Variants in CLN8 observed in about 807,000 individuals in gnomAD.
The protein encoded by CLN8 is CLN8 transmembrane ER and ERGIC protein.
In CLN8, 14 loss-of-function variants were observed where a neutral mutation model predicts 15.7. The observed-to-expected ratio is 0.89, with a 90% CI of 0.59 to 1.39. CLN8 has a LOEUF of 1.39. CLN8 is among the 40% of genes most tolerant of loss of function. The probability of loss-of-function intolerance (pLI) is 0.00; values close to 1 mark genes in which losing one functional copy is unlikely to be tolerated. For missense variants in CLN8, 415 were observed against 364.0 expected, an observed-to-expected ratio of 1.14 and a Z score of -1.14; for synonymous variants, 188 against 151.0, an observed-to-expected ratio of 1.25 and a Z score of -1.80.
upstream of CLN8, among the ~76,000 whole-genome samples, chr8:1,761,486 G>A (rs1247902454): frequency 6.6e-6 from 1 of 152,160 alleles, no homozygotes; most frequent in African/African-American, 2.4e-5. Context: ...CACCACGCCT[G>A]GCTAATTTTT....
rs1003432367 is a variant in CLN8, at chr8:1,784,882, T to G, written c.*4315T>G. On this transcript the variant is annotated 3_prime_UTR_variant, in exon 3 of 3. Transcript: ENST00000331222. Reference sequence around the variant, plus strand: ...CAGCGGCTGGAGGTGATGTCCTCAGTAGAGAACGGTGGCCACTGGAAACGT... The same window carrying G: ...CAGCGGCTGGAGGTGATGTCCTCAGGAGAGAACGGTGGCCACTGGAAACGT... 6 of 152,334 alleles carry G rather than the reference T, an allele frequency of 3.9e-5. No homozygotes were observed. Among genetic ancestry groups the G allele is most frequent in the Non-Finnish European group, 7.3e-5 (5 of 68,232 alleles). 9.4% of individuals were successfully genotyped at this position (152,334 alleles called of 1,614,324 possible).
upstream of CLN8, among the ~76,000 whole-genome samples, chr8:1,761,369 GGC>G (rs1800792136): frequency 2.0e-5 from 3 of 152,144 alleles, no homozygotes; most frequent in Non-Finnish European, 4.4e-5. Context: ...CTGTTGCCCA[GGC>G]TGGAGTGCAG....
In CLN8 at chr8:1,780,334, C is replaced by T; in HGVS notation, c.628C>T (p.His210Tyr). ...TCACTGCCGCATGGTTCTAACCTAC[C>T]ACATGTGGTGGGTGTGTTTCTGGCA... ...MFHCRMVLTY[H>Y]MWWVCFWHWD... The change falls in exon 3 of 3, where the codon CAC (histidine) becomes TAC (tyrosine). Residue 210 changes from histidine to tyrosine, a missense_variant. Physicochemically the swap from His to Tyr is moderately conservative, Grantham distance 83. Transcript: ENST00000331222. 1.2e-6 allele frequency: 2 copies of T among 1,614,212 alleles called. No homozygotes were observed. Among genetic ancestry groups the T allele is most frequent in the Non-Finnish European group, 1.7e-6 (2 of 1,180,032 alleles).
At chr8:1,756,314 T>C (rs1436744830) in intron 1 of CLN8, among the ~76,000 whole-genome samples, 1 of 152,006 alleles carries the variant, frequency 6.6e-6, no homozygotes, top group Admixed American at 6.6e-5. Context: ...AAACCCCGTC[T>C]GTACTAAAAA....
At chr8:1,773,889 A>C (rs1801411669) in intron 2 of CLN8, 1 of 152,250 alleles carries the variant, frequency 6.6e-6, no homozygotes, top group African/African-American at 2.4e-5. Context: ...ATACCACATC[A>C]ATGTCCCAAG....
At chr8:1,763,318 T>G (rs1397036031), upstream of CLN8, 3 of 110,272 alleles carry the variant, frequency 2.7e-5, no homozygotes, top group Non-Finnish European at 5.8e-5. Flanking sequence ...CCGCCCGCCA[T>G]GGTTCAGCCC....
intron 2 of CLN8, among the ~76,000 whole-genome samples, chr8:1,774,213 G>A (rs1801425405): frequency 6.6e-6 from 1 of 152,136 alleles, no homozygotes; most frequent in South Asian, 2.1e-4. Context: ...ATTTTATTTT[G>A]AAGTTTGCAC....
Position 1,771,007 on chromosome 8 carries a change from C to T in CLN8, c.-48C>T. On this transcript the variant is annotated 5_prime_UTR_variant, in exon 2 of 3. Transcript: ENST00000331222. ...TCCTTAGACAAGACACAGTGTAGGG[C>T]CCGGCCCGTGTTGGCCCCAGGACTC... 1 of 1,584,492 alleles carries T rather than the reference C, an allele frequency of 6.3e-7. No individual in the cohort carries two copies. The highest frequency in any genetic ancestry group is 8.7e-7 in the Non-Finnish European group (1 of 1,155,144).
intron 2 of CLN8, among the ~76,000 whole-genome samples, chr8:1,771,852 G>C (rs1801320663): frequency 6.6e-6 from 1 of 152,010 alleles, no homozygotes; most frequent in African/African-American, 2.4e-5. Context: ...CTTCCTTAAG[G>C]AAAGAAAGCT....
upstream of CLN8, among the ~76,000 whole-genome samples, chr8:1,760,731 C>T (rs952708009): frequency 1.3e-5 from 2 of 152,160 alleles, no homozygotes; most frequent in Non-Finnish European, 2.9e-5. Flanking sequence ...CCAGTCCAGA[C>T]CCTAAGAGAG....
intron 1 of CLN8, among the ~76,000 whole-genome samples, chr8:1,767,050 C>A (rs960836783): frequency 6.6e-6 from 1 of 152,194 alleles, no homozygotes; most frequent in South Asian, 2.1e-4. Flanking sequence ...GAAGACTGGG[C>A]GCTTGGGCTG....
At chr8:1,772,652 G>GTA (rs373594992) in intron 2 of CLN8, among the ~76,000 whole-genome samples, 10 of 151,262 alleles carry the variant, frequency 6.6e-5, no homozygotes, top group African/African-American at 2.5e-4. Context: ...GTGTGTGTGT[G>GTA]TATTTTTAGT....
chr8:1,763,898 G>A lies in CLN8; in HGVS notation c.-124+13G>A, dbSNP rs1384346432. ...AGTGGCAGCCCAGGTGAGCGCTCAG[G>A]GAGCCCGGGTGAGGGCCGGGAACCC... is the stretch of plus-strand genomic sequence containing the variant. On this transcript the variant is annotated intron_variant, in intron 1 of 2. Transcript: ENST00000331222. The A allele has an allele frequency of 2.0e-5, 3 of 152,774 alleles. No individual in the cohort carries two copies. The highest frequency in any genetic ancestry group is 4.4e-5 in the Non-Finnish European group (3 of 68,774). 9.5% of individuals were successfully genotyped at this position (152,774 alleles called of 1,614,324 possible). A position where few individuals can be genotyped will look rare whatever the true frequency, so the allele number is the denominator to read the frequency against.
chr8:1,780,609 A>G lies in CLN8; in HGVS notation c.*42A>G. 6.3e-7 allele frequency: 1 copy of G among 1,593,826 alleles called. No individual in the cohort carries two copies. Among genetic ancestry groups the G allele is most frequent in the Non-Finnish European group, 8.6e-7 (1 of 1,163,952 alleles). On this transcript the variant is annotated 3_prime_UTR_variant, in exon 3 of 3. Coordinates refer to ENST00000331222, the MANE Select transcript of CLN8 (RefSeq NM_018941.4). ...TCCGGGGCGGCAGCAGAGCTGGCAC[A>G]CCGATTCTGGGAAGCCCCGCGAATG...
intron 2 of CLN8, among the ~76,000 whole-genome samples, chr8:1,776,545 G>T (rs555989063): frequency 4.7e-4 from 71 of 152,306 alleles, no homozygotes; most frequent in South Asian, 3.3e-3. Flanking sequence ...ATGACAGAAG[G>T]TTCTGGAATC....
chr8:1,766,555 A>T (rs557770738), intron 1 of CLN8, among the ~76,000 whole-genome samples: 47 of 147,564 alleles, frequency 3.2e-4, no homozygotes, highest in African/African-American at 1.1e-3. Flanking sequence ...ACGCCTGGCT[A>T]TTTTTTTTTT....
rs531599141 is a variant in CLN8 at position 1,776,447 on chromosome 8, T to C, written c.544-3803T>C. Among the ~76,000 whole-genome samples the C allele has an allele frequency of 2.1e-4, 31 of 150,316 alleles. No individual in the cohort carries two copies. The South Asian group carries it at 6.6e-3, about 32-fold the overall frequency. ...ATATGCATGTGGCCCTGCTCCAATA[T>C]ACACACATGATGATAGAAGGTTCTG... is the stretch of plus-strand genomic sequence containing the variant. On this transcript the variant is annotated intron_variant, in intron 2 of 2. Transcript: ENST00000331222.
At chr8:1,765,664 G>A (rs1471579671) in intron 1 of CLN8, among the ~76,000 whole-genome samples, 1 of 152,222 alleles carries the variant, frequency 6.6e-6, no homozygotes, top group East Asian at 1.9e-4. Flanking sequence ...GATTTTCTTA[G>A]TGAGTGGGTA....
rs1048152901 is a variant in CLN8, at chr8:1,770,947, G to C, written c.-108G>C. 1.0e-6 allele frequency: 1 copy of C among 992,410 alleles called. No individual in the cohort carries two copies. Among genetic ancestry groups the C allele is most frequent in the Non-Finnish European group, 1.6e-6 (1 of 633,570 alleles). The allele number at this position is 992,410 out of a possible 1,614,324, so 61.5% of individuals were successfully genotyped here. ...TTTCTTTTAGATTGAAGATGGATAC[G>C]TGACAATCCCAGGGACCGCTGCACT... On this transcript the variant is annotated 5_prime_UTR_variant, in exon 2 of 3. Coordinates refer to ENST00000331222, the MANE Select transcript of CLN8 (RefSeq NM_018941.4).
Sources: allele counts gnomAD v4.1 joint callset (sites outside exome capture counted in the v4.1 genomes callset), GRCh38; gene constraint gnomAD v4.1.1; transcripts MANE v1.5; gene names NCBI Gene and HGNC (gene_info 2026-07-23, HGNC 2026-07-21).